Variants in SCUBE3 observed in about 807,000 individuals in gnomAD.
SCUBE3 encodes signal peptide, CUB and EGF-like domain-containing protein 3.
Under a neutral mutation model 116.8 loss-of-function variants are expected in SCUBE3, and 33 were observed. That is an observed-to-expected ratio of 0.28 (90% CI 0.21 to 0.38). The LOEUF is 0.38. SCUBE3 is among the 10% of genes least tolerant of loss of function. The probability of loss-of-function intolerance (pLI) is 1.00; values close to 1 mark genes in which losing one functional copy is unlikely to be tolerated. For missense variants in SCUBE3, 1,007 were observed against 1,324.8 expected (o/e 0.76, Z 3.72); for synonymous variants, 418 against 496.9 (o/e 0.84, Z 2.11).
At chr6:35,237,690 G>A (rs988708978) in intron 6 of SCUBE3, among the ~76,000 whole-genome samples, 1 of 152,176 alleles carries the variant, frequency 6.6e-6, no homozygotes, top group Admixed American at 6.5e-5. Flanking sequence ...GGGCAGGGAA[G>A]TGGACTGCTT....
At chr6:35,242,163 T>C (rs753940172) in intron 12 of SCUBE3, 41 bp from the exon 13 acceptor site, 15 of 1,446,796 alleles carry the variant, frequency 1.0e-5, no homozygotes, top group African/African-American at 1.4e-5. Context: ...CCGACCTCCA[T>C]GGGCATCCCA....
chr6:35,229,329 G>A (rs1367812162), intron 3 of SCUBE3, among the ~76,000 whole-genome samples: 1 of 152,126 alleles, frequency 6.6e-6, no homozygotes. Context: ...TCCTTGGCTT[G>A]AGCCTAGGAA....
chr6:35,244,084 C>T lies in SCUBE3; in HGVS notation c.2193C>T (p.Thr731=), dbSNP rs750038498. The T allele has an allele frequency of 3.1e-5, 50 of 1,613,958 alleles. No homozygotes were observed. Among genetic ancestry groups the T allele is most frequent in the Non-Finnish European group, 5.9e-6 (7 of 1,180,000 alleles). Residue 731 remains threonine (T), a synonymous_variant, in exon 17 of 22, where the codon ACC becomes ACT. Transcript: ENST00000274938. The surrounding 1 kb of genome is among the most constrained non-coding windows in gnomAD (Gnocchi z 4.3). ...TLCFPCGGGL[T]TKHEGAISFQ... ...GCTTCCCTTGTGGTGGGGGCCTCAC[C>T]ACCAAGCATGAAGGGGCCATTTCCT...
chr6:35,216,857 G>A (rs1240198419), intron 1 of SCUBE3, among the ~76,000 whole-genome samples: 1 of 152,072 alleles, frequency 6.6e-6, no homozygotes, highest in Admixed American at 6.5e-5. Context: ...GAAAACCAAA[G>A]TCATGTGGAA....
intron 1 of SCUBE3, chr6:35,220,779 A>G (rs1783092879): frequency 6.6e-6 from 1 of 152,192 alleles, no homozygotes; most frequent in Non-Finnish European, 1.5e-5. Flanking sequence ...TACTGTTTTT[A>G]AAAGGAGAAA....
rs1432772621 is a variant in SCUBE3 at position 35,244,114 on chromosome 6, A to G, written c.2223A>G (p.Gln741=). ...AGCATGAAGGGGCCATTTCCTTCCAAGACTGTGACACCAAAGGTGAGTAAG... is the reference window on the plus strand; with the variant it reads ...AGCATGAAGGGGCCATTTCCTTCCAGGACTGTGACACCAAAGGTGAGTAAG... ...TTKHEGAISF[Q]DCDTKVQCSP... Residue 741 remains glutamine (Q), a synonymous_variant, in exon 17 of 22, where the codon CAA becomes CAG. Transcript: ENST00000274938. This position sits in a 1 kb window ranked among gnomAD's most constrained non-coding sequence, Gnocchi z 4.3. The G allele has an allele frequency of 3.1e-6, 5 of 1,613,680 alleles. No homozygotes were observed.
chr6:35,214,524 G>A lies in SCUBE3; in HGVS notation c.85+21G>A, dbSNP rs777314248. ...GCAAGGTAAGGAAGGAGGGGCGCGC[G>A]GCCTGGGGGCTGTCCTGGCTGCTGG... On this transcript the variant is annotated intron_variant, in intron 1 of 21. Transcript: ENST00000274938. This position sits in a 1 kb window ranked among gnomAD's most constrained non-coding sequence, Gnocchi z 6.3. 4.2e-6 allele frequency: 6 copies of A among 1,432,680 alleles called. No homozygotes were observed. The highest frequency in any genetic ancestry group is 2.7e-5 in the South Asian group (2 of 73,642). The allele number at this position is 1,432,680 out of a possible 1,614,324, so 88.7% of individuals were successfully genotyped here. A position where few individuals can be genotyped will look rare whatever the true frequency, so the allele number is the denominator to read the frequency against.
chr6:35,248,484 T>C, intron 21 of SCUBE3, 72 bp from the exon 22 acceptor site: 2 of 1,449,830 alleles, frequency 1.4e-6, no homozygotes, highest in South Asian at 1.1e-5. Context: ...CAAGAAGGGC[T>C]GCTGAGTCAT....
At chr6:35,222,815 C>T (rs1280154298) in intron 1 of SCUBE3, 1 of 152,176 alleles carries the variant, frequency 6.6e-6, no homozygotes, top group East Asian at 1.9e-4. Context: ...TTCCCCACAC[C>T]AGGCCTGAAA....
Position 35,246,051 on chromosome 6 carries a change from G to A in SCUBE3, c.2707G>A (p.Ala903Thr). Residue 903 changes from alanine to threonine, a missense_variant, in exon 20 of 22, where the codon GCC (alanine) becomes ACC (threonine). Around this residue, in one of 5 missense-constraint regions of SCUBE3, gnomAD observed 118 missense variants for 196.6 expected, o/e 0.60. Coordinates refer to ENST00000274938, the MANE Select transcript of SCUBE3 (RefSeq NM_152753.4). ...KLWINFKTSE[A>T]NSARGFQIPY... ...CTGGATCAACTTCAAGACAAGCGAG[G>A]CCAACAGCGCCCGTGGCTTCCAGAT... is the stretch of plus-strand genomic sequence containing the variant. The A allele has an allele frequency of 1.2e-6, 2 of 1,614,172 alleles. No homozygotes were observed. The highest frequency in any genetic ancestry group is 1.7e-6 in the Non-Finnish European group (2 of 1,180,034).
At position 35,228,528 on chromosome 6, in the gene SCUBE3, T is replaced by G; in HGVS notation, c.209-86T>G. On this transcript the variant is annotated intron_variant, in intron 2 of 21. Coordinates refer to ENST00000274938, the MANE Select transcript of SCUBE3 (RefSeq NM_152753.4). This position sits in a 1 kb window ranked among gnomAD's most constrained non-coding sequence, Gnocchi z 4.9. ...GGCTTATAGGCCATGAACATAACTA[T>G]GTAAACACAACCATAAGGCTGAGTC... 1 of 1,442,572 alleles carries G rather than the reference T, an allele frequency of 6.9e-7. No individual in the cohort carries two copies. Among genetic ancestry groups the G allele is most frequent in the Non-Finnish European group, 9.6e-7 (1 of 1,041,014 alleles). The allele number at this position is 1,442,572 out of a possible 1,614,324, so 89.4% of individuals were successfully genotyped here.
In SCUBE3 at chr6:35,241,243, A is replaced by G. The variant is rs1581942277; in HGVS notation, c.1172A>G (p.His391Arg). The G allele has an allele frequency of 7.5e-6, 12 of 1,599,392 alleles. No homozygotes were observed. The East Asian group carries it at 2.5e-4, about 33-fold the overall frequency. Residue 391 changes from histidine to arginine, a missense_variant, in exon 10 of 22, where the codon CAC (histidine) becomes CGC (arginine). By Grantham distance (29) the His-to-Arg change is conservative. Around this residue, in one of 5 missense-constraint regions of SCUBE3, gnomAD observed 544 missense variants for 638.9 expected, o/e 0.85. Transcript: ENST00000274938. This position sits in a 1 kb window ranked among gnomAD's most constrained non-coding sequence, Gnocchi z 4.1. ...TGCCCAGCAGGCCAGGGTCGGCTGC[A>G]CTGGAATGGCAAAGATTGCACAGGT... ...CTCPAGQGRL[H>R]WNGKDCTEPL...
chr6:35,215,119 G>T (rs1215274936), intron 1 of SCUBE3, among the ~76,000 whole-genome samples: 1 of 152,078 alleles, frequency 6.6e-6, no homozygotes, highest in East Asian at 1.9e-4. Context: ...GCCTCTTTGG[G>T]GTGAAATCTC....
rs1467070817 is a variant in SCUBE3, at chr6:35,239,336, T to C, written c.830-416T>C. Among the ~76,000 whole-genome samples, 7 of 144,612 alleles carry C rather than the reference T, an allele frequency of 4.8e-5. No individual in the cohort carries two copies. The East Asian group carries it at 1.3e-3, about 27-fold the overall frequency. The allele number at this position is 144,612 out of a possible 152,430, so 94.9% of individuals were successfully genotyped here. The stretch of plus-strand genomic sequence containing the variant: ...TGCCCCGCACCCCCCCAACCCCCCG[T>C]CCTGAGGGACAGGAAAGAGATAACC... On this transcript the variant is annotated intron_variant, in intron 7 of 21. Coordinates refer to ENST00000274938, the MANE Select transcript of SCUBE3 (RefSeq NM_152753.4). This position sits in a 1 kb window ranked among gnomAD's most constrained non-coding sequence, Gnocchi z 4.1.
At chr6:35,216,190 C>T (rs1782884879) in intron 1 of SCUBE3, among the ~76,000 whole-genome samples, 1 of 152,198 alleles carries the variant, frequency 6.6e-6, no homozygotes, top group African/African-American at 2.4e-5. Context: ...TGCCATCAAG[C>T]CAAGGCACTC....
At position 35,243,658 on chromosome 6, in the gene SCUBE3, C is replaced by T; in HGVS notation, c.1974C>T (p.Gly658=). The change falls in exon 16 of 22, where the codon GGC becomes GGT. Residue 658 remains glycine (G), a synonymous_variant. Transcript: ENST00000274938. The surrounding 1 kb of genome is among the most constrained non-coding windows in gnomAD (Gnocchi z 6.6). The stretch of plus-strand genomic sequence containing the variant: ...AGCAGTGTGTGCCATGCCCAGCGGG[C>T]ACCTTCCAGGAGAGAGAAGGGCAGC... ...QTEQCVPCPA[G]TFQEREGQLS... is the part of the protein sequence containing the mutation. The T allele has an allele frequency of 1.9e-6, 3 of 1,614,086 alleles. No homozygotes were observed. The highest frequency in any genetic ancestry group is 1.1e-5 in the South Asian group (1 of 91,078).
At position 35,241,166 on chromosome 6, in the gene SCUBE3, G is replaced by A. The variant is rs749149859; in HGVS notation, c.1095G>A (p.Arg365=). 3.1e-6 allele frequency: 5 copies of A among 1,601,866 alleles called. No homozygotes were observed. The highest frequency in any genetic ancestry group is 4.3e-6 in the Non-Finnish European group (5 of 1,170,048). ...ATGTGGATGAATGCAGCATCAACCGGGGAGGTTGCCGCTTTGGCTGCATCA... is the reference window on the plus strand; with the variant it reads ...ATGTGGATGAATGCAGCATCAACCGAGGAGGTTGCCGCTTTGGCTGCATCA... ...CGDVDECSIN[R]GGCRFGCINT... The change falls in exon 10 of 22, where the codon CGG becomes CGA. Residue 365 remains arginine, a synonymous_variant. Coordinates refer to ENST00000274938, the MANE Select transcript of SCUBE3 (RefSeq NM_152753.4). The surrounding 1 kb of genome is among the most constrained non-coding windows in gnomAD (Gnocchi z 4.1).
At position 35,232,453 on chromosome 6, in the gene SCUBE3, A is replaced by T. The variant is rs1783589846; in HGVS notation, c.470-397A>T. The stretch of plus-strand genomic sequence containing the variant: ...CTCATTGTAGATCTGATTGCTACTG[A>T]TCTTCTTCCCAGTTTGACTGTAAGC... On this transcript the variant is annotated intron_variant, in intron 4 of 21. Coordinates refer to ENST00000274938, the MANE Select transcript of SCUBE3 (RefSeq NM_152753.4). The surrounding 1 kb of genome is among the most constrained non-coding windows in gnomAD (Gnocchi z 4.2). 6.6e-6 allele frequency among the ~76,000 whole-genome samples: 1 copy of T among 151,926 alleles called. No individual in the cohort carries two copies. The highest frequency in any genetic ancestry group is 1.5e-5 in the Non-Finnish European group (1 of 67,964).
chr6:35,226,427 C>T (rs1261439374), intron 1 of SCUBE3, among the ~76,000 whole-genome samples: 1 of 148,658 alleles, frequency 6.7e-6, no homozygotes, highest in Non-Finnish European at 1.5e-5. Flanking sequence ...TATTTCAGTT[C>T]AGATTTAAGG....
Sources: allele counts gnomAD v4.1 joint callset (sites outside exome capture counted in the v4.1 genomes callset), GRCh38; gene constraint gnomAD v4.1.1; regional missense constraint gnomAD v4.1.1; non-coding constraint Gnocchi (gnomAD v3.1); transcripts MANE v1.5; gene names NCBI Gene and HGNC (gene_info 2026-07-23, HGNC 2026-07-21).